NRG3: variants seen among roughly 807,000 people sequenced by gnomAD.
NRG3 encodes pro-neuregulin-3, membrane-bound isoform.
A neutral mutation model predicts 66.9 loss-of-function variants in NRG3; 31 were observed. The ratio of observed to expected loss-of-function variants is 0.46; its 90% confidence interval spans 0.35 to 0.63. The LOEUF is 0.63. NRG3 is among the 20% of genes least tolerant of loss of function. The pLI is 0.00. For synonymous variants in NRG3, 393 were observed against 359.4 expected, an observed-to-expected ratio of 1.09 and a Z score of -1.06; for missense variants, 910 against 878.9, an observed-to-expected ratio of 1.04 and a Z score of -0.45.
At chr10:82,416,373 T>A (rs1174588131) in intron 2 of NRG3, among the ~76,000 whole-genome samples, 2 of 152,168 alleles carry the variant, frequency 1.3e-5, no homozygotes, top group Non-Finnish European at 2.9e-5. Flanking sequence ...TTACATAGTT[T>A]GAACTATGTG....
chr10:82,235,398 A>G (rs564333254), intron 1 of NRG3, among the ~76,000 whole-genome samples: 56 of 152,326 alleles, frequency 3.7e-4, no homozygotes, highest in African/African-American at 1.3e-3. Flanking sequence ...GAATAGTTTA[A>G]CTATTTTTCT....
intron 1 of NRG3, among the ~76,000 whole-genome samples, chr10:82,346,070 T>G (rs1405886883): frequency 1.3e-5 from 2 of 150,092 alleles, no homozygotes; most frequent in Non-Finnish European, 3.0e-5. Context: ...TTCTCCTGCC[T>G]AATTGCCCTG....
Position 82,498,252 on chromosome 10 carries a change from A to G in NRG3, c.953+139384A>G, listed in dbSNP as rs547199602. On this transcript the variant is annotated intron_variant, in intron 2 of 8. Coordinates refer to ENST00000372141, the MANE Select transcript of NRG3 (RefSeq NM_001010848.4). ...AAAATCCATCATTAAGGGGAAATAA[A>G]CAAGGGTGATTTTTTTCTCACTTTG... Among the ~76,000 whole-genome samples the G allele has an allele frequency of 4.6e-5, 7 of 152,270 alleles. No homozygotes were observed. The South Asian group carries it at 1.0e-3, about 23-fold the overall frequency.
Position 82,179,295 on chromosome 10 carries a change from C to T in NRG3, c.824-179444C>T, listed in dbSNP as rs540413311. Among the ~76,000 whole-genome samples the T allele has an allele frequency of 1.2e-3, 188 of 151,704 alleles. 1 individual carries two copies. Among genetic ancestry groups the T allele is most frequent in the Middle Eastern group, 3.4e-3 (1 of 294 alleles). On this transcript the variant is annotated intron_variant, in intron 1 of 8. Coordinates refer to ENST00000372141, the MANE Select transcript of NRG3 (RefSeq NM_001010848.4). ...TTTTTTCTTTTGTTGTCTATTCTTT[C>T]GCTGTCATATCAAAAAATGCATTTC...
chr10:82,364,415 A>G (rs1417631263), intron 2 of NRG3, among the ~76,000 whole-genome samples: 1 of 152,236 alleles, frequency 6.6e-6, no homozygotes, highest in Non-Finnish European at 1.5e-5. Flanking sequence ...AAGAAGGAAA[A>G]TAAGTCAGCA....
intron 2 of NRG3, among the ~76,000 whole-genome samples, chr10:82,440,564 A>T (rs992168755): frequency 1.3e-5 from 2 of 151,746 alleles, no homozygotes; most frequent in African/African-American, 4.8e-5. Context: ...AAGCTATGAG[A>T]TGTGGCTAAT....
At chr10:82,483,550 G>T (rs148713774) in intron 2 of NRG3, among the ~76,000 whole-genome samples, 1,746 of 152,292 alleles carry the variant, frequency 0.011, 19 homozygotes, top group Middle Eastern at 0.071. Context: ...TGTAGTAGGT[G>T]TTTCCCCTCT....
chr10:82,777,323 G>C (rs1320947271), intron 3 of NRG3, among the ~76,000 whole-genome samples: 3 of 152,118 alleles, frequency 2.0e-5, no homozygotes, highest in African/African-American at 4.8e-5. Flanking sequence ...CCACAGTAGA[G>C]AGACTCAGCT....
chr10:82,156,370 A>G (rs1342103311), intron 1 of NRG3, among the ~76,000 whole-genome samples: 1 of 151,432 alleles, frequency 6.6e-6, no homozygotes, highest in Non-Finnish European at 1.5e-5. Flanking sequence ...ATGTAACATG[A>G]TCCCCCAGGC....
At position 82,412,255 on chromosome 10, in the gene NRG3, T is replaced by C. The variant is rs1169124493; in HGVS notation, c.953+53387T>C. 5.9e-5 allele frequency among the ~76,000 whole-genome samples: 9 copies of C among 152,292 alleles called. No individual in the cohort carries two copies. In the East Asian group the frequency reaches 1.5e-3, roughly 26 times the overall value. ...AATGATAGGTAAATGTAGGTATACATTGGGAACGTTGTGGTTTCAGTTTCC... is the reference window on the plus strand; with the variant it reads ...AATGATAGGTAAATGTAGGTATACACTGGGAACGTTGTGGTTTCAGTTTCC... On this transcript the variant is annotated intron_variant, in intron 2 of 8. Coordinates refer to ENST00000372141, the MANE Select transcript of NRG3 (RefSeq NM_001010848.4).
intron 1 of NRG3, among the ~76,000 whole-genome samples, chr10:82,091,876 T>A (rs1418551846): frequency 6.6e-6 from 1 of 152,192 alleles, no homozygotes; most frequent in African/African-American, 2.4e-5. Context: ...GTAAGTTGGA[T>A]TTGCACTTTC....
chr10:81,998,850 T>C (rs1251558165), intron 1 of NRG3, among the ~76,000 whole-genome samples: 1 of 152,188 alleles, frequency 6.6e-6, no homozygotes, highest in African/African-American at 2.4e-5. Flanking sequence ...TGTGTGTGTG[T>C]CTGTTGCCCA....
intron 2 of NRG3, among the ~76,000 whole-genome samples, chr10:82,493,055 C>T (rs541063588): frequency 1.6e-4 from 24 of 151,894 alleles, no homozygotes; most frequent in Non-Finnish European, 2.4e-4. Flanking sequence ...CTGGAACAAG[C>T]GCAGTCCAGG....
chr10:82,506,427 G>C (rs1761918416), intron 2 of NRG3, among the ~76,000 whole-genome samples: 2 of 152,078 alleles, frequency 1.3e-5, no homozygotes, highest in African/African-American at 4.8e-5. Context: ...GTTGCCTGCA[G>C]TCACAGAAAC....
At chr10:82,846,516 G>T (rs1316108102) in intron 3 of NRG3, among the ~76,000 whole-genome samples, 1 of 152,050 alleles carries the variant, frequency 6.6e-6, no homozygotes, top group Non-Finnish European at 1.5e-5. Context: ...GTATCAAATA[G>T]AATTCAAAGA....
chr10:82,689,537 C>T (rs897823564), intron 2 of NRG3, among the ~76,000 whole-genome samples: 4 of 152,162 alleles, frequency 2.6e-5, no homozygotes, highest in African/African-American at 9.7e-5. Flanking sequence ...GCCCCAGTAG[C>T]AGTCAATATA....
intron 1 of NRG3, among the ~76,000 whole-genome samples, chr10:82,189,295 C>T (rs1209272555): frequency 6.6e-6 from 1 of 152,074 alleles, no homozygotes; most frequent in African/African-American, 2.4e-5. Context: ...TAGAGTTAAA[C>T]ATAAGATTTT....
intron 1 of NRG3, among the ~76,000 whole-genome samples, chr10:82,248,998 C>A (rs770297840): frequency 2.6e-5 from 4 of 152,140 alleles, no homozygotes; most frequent in Non-Finnish European, 4.4e-5. Context: ...CCATTAAAAT[C>A]CTACCTGCCA....
intron 7 of NRG3, among the ~76,000 whole-genome samples, chr10:82,977,428 G>A (rs1173519794): frequency 1.3e-5 from 2 of 151,978 alleles, no homozygotes; most frequent in African/African-American, 2.4e-5. Flanking sequence ...GGCCAACATG[G>A]TGAAACCTCA....
Sources: gnomAD v4.1 joint callset for allele counts (sites outside exome capture counted in the v4.1 genomes callset) on GRCh38, gnomAD v4.1.1 for gene constraint, MANE v1.5 for transcripts, NCBI Gene and HGNC (gene_info 2026-07-23, HGNC 2026-07-21) for gene names.